ABCC4: variants seen among roughly 807,000 people sequenced by gnomAD.
ABCC4 encodes ATP-binding cassette sub-family C member 4.
In ABCC4, 102 loss-of-function variants were observed where a neutral mutation model predicts 168.5. The ratio of observed to expected loss-of-function variants is 0.61; its 90% CI spans 0.52 to 0.71. ABCC4 has a LOEUF of 0.71. Among genes scored for constraint, ABCC4 ranks in the 30% least tolerant of loss-of-function variants. The pLI, the probability that ABCC4 is intolerant of heterozygous loss-of-function variation, is 0.00. For synonymous variants in ABCC4, 617 were observed against 590.7 expected, an observed-to-expected ratio of 1.04 and a Z score of -0.65; for missense variants, 1,402 against 1,605.8, an observed-to-expected ratio of 0.87 and a Z score of 2.17.
intron 1 of ABCC4, among the ~76,000 whole-genome samples, chr13:95,296,196 T>G (rs1357189429): frequency 7.7e-6 from 1 of 130,326 alleles, no homozygotes; most frequent in African/African-American, 3.0e-5. Context: ...AAACACAAAA[T>G]TAAATGGCCA....
chr13:95,044,551 T>G (rs751806769), intron 27 of ABCC4, 113 bp from the exon 28 acceptor site: 19 of 869,642 alleles, frequency 2.2e-5, no homozygotes, highest in Non-Finnish European at 3.2e-5. Context: ...ATAACTTAAG[T>G]GGACACACAC....
intron 25 of ABCC4, among the ~76,000 whole-genome samples, chr13:95,070,830 T>C (rs991745259): frequency 2.0e-5 from 3 of 152,102 alleles, no homozygotes; most frequent in Admixed American, 1.3e-4. Flanking sequence ...AAGAAAGAGT[T>C]TGCAGTGAAA....
chr13:95,140,877 G>T (rs922868782), intron 19 of ABCC4, among the ~76,000 whole-genome samples: 2 of 152,190 alleles, frequency 1.3e-5, no homozygotes, highest in East Asian at 3.8e-4. Context: ...TCTCCTAAGA[G>T]CTATATTGCA....
chr13:95,200,796 A>G (rs2038603442), intron 8 of ABCC4, among the ~76,000 whole-genome samples: 1 of 152,218 alleles, frequency 6.6e-6, no homozygotes, highest in East Asian at 1.9e-4. Context: ...AGGTGTAATA[A>G]TTTAGTTTTA....
intron 25 of ABCC4, among the ~76,000 whole-genome samples, chr13:95,064,513 A>ATGTGTGTG (rs3046394): frequency 2.0e-5 from 3 of 148,588 alleles, no homozygotes; most frequent in African/African-American, 4.9e-5. Flanking sequence ...GTATGTGTGT[A>ATGTGTGTG]TGTGTGTGTG....
chr13:95,222,702 T>C (rs1926657), intron 4 of ABCC4, among the ~76,000 whole-genome samples: 116,961 of 152,140 alleles, frequency 0.77, 45,401 homozygotes, highest in Non-Finnish European at 0.84. Context: ...ACCTCATTCA[T>C]ATATCATTAA....
At chr13:95,227,588 T>C (rs1566547788) in intron 4 of ABCC4, among the ~76,000 whole-genome samples, 2 of 152,168 alleles carry the variant, frequency 1.3e-5, no homozygotes, top group Non-Finnish European at 2.9e-5. Flanking sequence ...TTGACAACAC[T>C]GTCAAGAGGC....
At chr13:95,110,175 G>C (rs1259090275) in intron 20 of ABCC4, among the ~76,000 whole-genome samples, 1 of 151,954 alleles carries the variant, frequency 6.6e-6, no homozygotes, top group Non-Finnish European at 1.5e-5. Context: ...CAGGCGTGGT[G>C]GTGGGTGCCT....
intron 1 of ABCC4, among the ~76,000 whole-genome samples, chr13:95,253,043 T>C (rs1054312696): frequency 9.2e-5 from 14 of 152,226 alleles, no homozygotes; most frequent in Non-Finnish European, 1.5e-4. Context: ...ATGCCTTTTA[T>C]TCCTCATTCA....
At chr13:95,128,116 C>G (rs1215905851) in intron 19 of ABCC4, among the ~76,000 whole-genome samples, 1 of 152,230 alleles carries the variant, frequency 6.6e-6, no homozygotes, top group Admixed American at 6.5e-5. Flanking sequence ...GAGCTGACCT[C>G]TCCAGCCCCA....
chr13:95,110,935 T>C (rs2035181203), intron 20 of ABCC4, among the ~76,000 whole-genome samples: 1 of 135,208 alleles, frequency 7.4e-6, no homozygotes, highest in African/African-American at 2.9e-5. Context: ...GCCACTGCAC[T>C]CCAGCCTGGG....
At chr13:95,062,609 C>A in intron 26 of ABCC4, 95 bp downstream of exon 26, 5 of 1,174,864 alleles carry the variant, frequency 4.3e-6, no homozygotes, top group South Asian at 3.4e-5. Context: ...AAAAAACAAT[C>A]CTTTCATCCA....
chr13:95,083,513 GT>G (rs1335066181), intron 20 of ABCC4, among the ~76,000 whole-genome samples: 3 of 149,082 alleles, frequency 2.0e-5, no homozygotes, highest in East Asian at 2.0e-4. Context: ...TATCCATTAG[GT>G]TTTTTTTTCC....
chr13:95,263,511 A>G (rs1022419478), intron 1 of ABCC4, among the ~76,000 whole-genome samples: 2 of 152,136 alleles, frequency 1.3e-5, no homozygotes, highest in African/African-American at 4.8e-5. Context: ...TCCTAGAAGC[A>G]ATGAGATCCC....
chr13:95,157,787 C>T (rs538474311), intron 19 of ABCC4, among the ~76,000 whole-genome samples: 32 of 152,206 alleles, frequency 2.1e-4, no homozygotes, highest in African/African-American at 7.2e-4. Context: ...ACAGAAACTT[C>T]AGGCCGGGCG....
intron 20 of ABCC4, among the ~76,000 whole-genome samples, chr13:95,108,641 C>CTTT (rs11396828): frequency 8.9e-5 from 13 of 145,266 alleles, no homozygotes; most frequent in Non-Finnish European, 1.4e-4. Context: ...AATCTATTTT[C>CTTT]TTTTTTTTTT....
At chr13:95,033,938 G>A (rs558164390) in intron 30 of ABCC4, among the ~76,000 whole-genome samples, 25 of 152,300 alleles carry the variant, frequency 1.6e-4, no homozygotes, top group African/African-American at 5.8e-4. Context: ...TGGGATTACA[G>A]GCATGAACCA....
chr13:95,238,520 C>T (rs1351110284), intron 3 of ABCC4, among the ~76,000 whole-genome samples: 2 of 152,194 alleles, frequency 1.3e-5, no homozygotes, highest in Non-Finnish European at 2.9e-5. Flanking sequence ...CTCTCCTGCA[C>T]TCTCTGTGTC....
chr13:95,299,561 T>G (rs1416789813), intron 1 of ABCC4, among the ~76,000 whole-genome samples: 1 of 152,078 alleles, frequency 6.6e-6, no homozygotes, highest in Non-Finnish European at 1.5e-5. Context: ...GATTTTTTTT[T>G]GCGATTTTTT....
Sources: gnomAD v4.1 joint callset for allele counts (sites outside exome capture counted in the v4.1 genomes callset) on GRCh38, gnomAD v4.1.1 for gene constraint, MANE v1.5 for transcripts, NCBI Gene and HGNC (gene_info 2026-07-23, HGNC 2026-07-21) for gene names.